Variants in KIF21A observed in about 807,000 individuals in gnomAD.
KIF21A encodes kinesin family member 21A.
A neutral mutation model predicts 202.9 loss-of-function variants in KIF21A; 114 were observed. The observed-to-expected ratio is 0.56, with a 90% CI of 0.48 to 0.66. KIF21A has a LOEUF of 0.66. Ranked by LOEUF, KIF21A falls within the 30% of genes least tolerant of loss-of-function variation. KIF21A has a pLI of 0.00. For synonymous variants in KIF21A, 667 were observed against 670.8 expected, an observed-to-expected ratio of 0.99 and a Z score of 0.09; for missense variants, 1,677 against 1,994.9, an observed-to-expected ratio of 0.84 and a Z score of 3.04.
At chr12:39,308,313 G>A (rs899863025) in intron 33 of KIF21A, among the ~76,000 whole-genome samples, 1 of 151,896 alleles carries the variant, frequency 6.6e-6, no homozygotes, top group African/African-American at 2.4e-5. Context: ...ACTTGAACCT[G>A]GGAGGTGCGG....
intron 1 of KIF21A, among the ~76,000 whole-genome samples, chr12:39,405,894 T>C (rs1316417194): frequency 1.3e-5 from 2 of 152,130 alleles, no homozygotes; most frequent in Non-Finnish European, 2.9e-5. Context: ...GTGGACAAAA[T>C]AGTAACAAGA....
intron 12 of KIF21A, among the ~76,000 whole-genome samples, chr12:39,343,968 G>C (rs910261061): frequency 6.6e-6 from 1 of 152,162 alleles, no homozygotes; most frequent in African/African-American, 2.4e-5. Context: ...GATGCATAAA[G>C]ATGCATGAGA....
At chr12:39,398,231 A>G (rs747711749) in intron 1 of KIF21A, among the ~76,000 whole-genome samples, 21 of 152,230 alleles carry the variant, frequency 1.4e-4, no homozygotes, top group Non-Finnish European at 2.4e-4. Flanking sequence ...CTTGGTTTCA[A>G]GTGGCCATCT....
rs1416916210 is a variant in KIF21A, at chr12:39,309,716, G to C, written c.4147C>G (p.Leu1383Val). The stretch of plus-strand genomic sequence containing the variant: ...ACGACATTGTTGGGATGACCCCCCA[G>C]TGACATTATTTCCTGCCCAGTCACC... Reference protein sequence around the residue: ...NLVTGQEIMSLGGHPNNVVSV... With the variant: ...NLVTGQEIMSVGGHPNNVVSV... Residue 1383 changes from leucine (L) to valine (V), a missense_variant, in exon 33 of 38, where the codon CTG (leucine) becomes GTG (valine). This residue lies in a region of KIF21A where 705 missense variants were observed against 791.9 expected (regional missense o/e 0.89). Coordinates refer to ENST00000361418, the MANE Select transcript of KIF21A (RefSeq NM_001173464.2). The C allele has an allele frequency of 1.2e-6, 2 of 1,613,168 alleles. No homozygotes were observed. Among genetic ancestry groups the C allele is most frequent in the African/African-American group, 1.3e-5 (1 of 74,826 alleles).
At chr12:39,377,191 C>T (rs538261233) in intron 1 of KIF21A, among the ~76,000 whole-genome samples, 1 of 152,240 alleles carries the variant, frequency 6.6e-6, no homozygotes, top group Admixed American at 6.5e-5. Flanking sequence ...TAACACCTTT[C>T]TTCTTCCTAG....
chr12:39,332,434 A>C (rs1178505970), intron 20 of KIF21A, 26 bp from the exon 21 acceptor site: 1 of 1,609,506 alleles, frequency 6.2e-7, no homozygotes, highest in East Asian at 2.2e-5. Context: ...GTTGGATTTT[A>C]AGAAATTATG....
At chr12:39,310,516 T>G (rs1943923697) in intron 32 of KIF21A, among the ~76,000 whole-genome samples, 1 of 152,084 alleles carries the variant, frequency 6.6e-6, no homozygotes. Context: ...ACATGCTTGC[T>G]TTTCACCTTT....
At chr12:39,304,115 T>C (rs1305243324) in intron 35 of KIF21A, among the ~76,000 whole-genome samples, 1 of 152,198 alleles carries the variant, frequency 6.6e-6, no homozygotes, top group Non-Finnish European at 1.5e-5. Flanking sequence ...GTCTCTAGGG[T>C]ATAGAATCCT....
intron 1 of KIF21A, among the ~76,000 whole-genome samples, chr12:39,430,222 G>A (rs7980857): frequency 0.046 from 6,944 of 150,868 alleles, 222 homozygotes; most frequent in East Asian, 0.12. Context: ...AAATAAAAAC[G>A]TAAATAAATA....
Position 39,322,873 on chromosome 12 carries a change from T to C in KIF21A, c.3466A>G (p.Arg1156Gly). The change falls in exon 27 of 38, where the codon AGA becomes GGA. Residue 1156 changes from arginine to glycine, a missense_variant. Arg to Gly is a moderately radical substitution (Grantham distance 125). Around this residue, in one of 3 missense-constraint regions of KIF21A, gnomAD observed 705 missense variants for 791.9 expected, o/e 0.89. Transcript: ENST00000361418. The stretch of plus-strand genomic sequence containing the variant: ...AGCAATTCCATCTGAGTGGTGGTTC[T>C]CCTTCGGGCCTAGTCAAAGAATGGA... ...EVKPKNKARR[R>G]TTTQMELLYA... The C allele has an allele frequency of 6.2e-7, 1 of 1,603,548 alleles. No individual in the cohort carries two copies. Among genetic ancestry groups the C allele is most frequent in the Middle Eastern group, 1.7e-4 (1 of 5,766 alleles).
At chr12:39,409,369 A>G (rs1476492795) in intron 1 of KIF21A, among the ~76,000 whole-genome samples, 1 of 149,116 alleles carries the variant, frequency 6.7e-6, no homozygotes, top group Non-Finnish European at 1.5e-5. Flanking sequence ...AAATAAATAA[A>G]TAAATAAAAA....
chr12:39,367,288 T>C, intron 4 of KIF21A, 124 bp from the exon 5 acceptor site: 1 of 1,023,726 alleles, frequency 9.8e-7, no homozygotes. Flanking sequence ...GAATTTCACA[T>C]TATTAGTTCA....
chr12:39,319,143 T>C (rs1944922437), intron 28 of KIF21A, among the ~76,000 whole-genome samples: 1 of 152,194 alleles, frequency 6.6e-6, no homozygotes, highest in South Asian at 2.1e-4. Flanking sequence ...TCACATTTAT[T>C]TTTATGTCAA....
At chr12:39,328,696 A>G (rs1050635602) in intron 24 of KIF21A, among the ~76,000 whole-genome samples, 2 of 152,204 alleles carry the variant, frequency 1.3e-5, no homozygotes, top group African/African-American at 4.8e-5. Context: ...GCTCTGGAGC[A>G]TCAACCTGTT....
chr12:39,359,793 C>T (rs1291185745), intron 7 of KIF21A, among the ~76,000 whole-genome samples: 1 of 152,152 alleles, frequency 6.6e-6, no homozygotes, highest in Non-Finnish European at 1.5e-5. Context: ...GTACATACAT[C>T]CATTTCTTAC....
Position 39,330,834 on chromosome 12 carries a change from A to G in KIF21A, c.3231T>C (p.Ala1077=). The G allele has an allele frequency of 6.2e-7, 1 of 1,613,974 alleles. No individual in the cohort carries two copies. Among genetic ancestry groups the G allele is most frequent in the Non-Finnish European group, 8.5e-7 (1 of 1,179,872 alleles). ...TATGGAATAAGAGCTGGTTTTGGGT[A>G]GCACTGGTTATTTCTGTTTGTTTGA... The part of the protein sequence containing the change: ...GRLKQTEITS[A]TQNQLLFHML... The change falls in exon 23 of 38, where the codon GCT becomes GCC. Residue 1077 remains alanine, a synonymous_variant. Coordinates refer to ENST00000361418, the MANE Select transcript of KIF21A (RefSeq NM_001173464.2).
In KIF21A at chr12:39,294,474, C is replaced by T. The variant is rs1243077166; in HGVS notation, c.4975G>A (p.Gly1659Ser). The change falls in exon 38 of 38, where the codon GGT becomes AGT. Residue 1659 changes from glycine (G) to serine (S), a missense_variant. Transcript: ENST00000361418. ...RIWKARNLQD[G>S]QISDTGDLGE... is the part of the protein sequence containing the mutation. ...AGATCTCCTGTGTCAGAGATCTGAC[C>T]ATCTTGCAAATTGCGAGCCTTCCAA... 1.2e-6 allele frequency: 2 copies of T among 1,613,920 alleles called. No individual in the cohort carries two copies. Among genetic ancestry groups the T allele is most frequent in the Non-Finnish European group, 1.7e-6 (2 of 1,179,916 alleles).
intron 12 of KIF21A, among the ~76,000 whole-genome samples, chr12:39,346,222 C>A (rs1014460998): frequency 6.6e-6 from 1 of 151,876 alleles, no homozygotes; most frequent in Non-Finnish European, 1.5e-5. Flanking sequence ...ATAGTTTATT[C>A]TGTAATCACA....
In KIF21A at chr12:39,333,094, C is replaced by A; in HGVS notation, c.2501G>T (p.Arg834Leu). 1 of 1,613,878 alleles carries A rather than the reference C, an allele frequency of 6.2e-7. No homozygotes were observed. Among genetic ancestry groups the A allele is most frequent in the Non-Finnish European group, 8.5e-7 (1 of 1,179,974 alleles). ...ATCTGACATGGGTCTTACTTGCCGA[C>A]GAAGAGCCGTAACCTGAAATTGCAG... ...RRKTEEVTAL[R>L]RQVRPMSDKV... is the part of the protein sequence containing the mutation. Residue 834 changes from arginine to leucine, a missense_variant, in exon 19 of 38, where the codon CGT becomes CTT. Transcript: ENST00000361418.
Sources: allele counts gnomAD v4.1 joint callset (sites outside exome capture counted in the v4.1 genomes callset), GRCh38; gene constraint gnomAD v4.1.1; regional missense constraint gnomAD v4.1.1; transcripts MANE v1.5; gene names NCBI Gene and HGNC (gene_info 2026-07-23, HGNC 2026-07-21).